ALPL: variants seen among roughly 807,000 people sequenced by gnomAD.
ALPL encodes alkaline phosphatase, tissue-nonspecific isozyme.
In ALPL, 42 loss-of-function variants were observed where a neutral mutation model predicts 51.3. The observed-to-expected ratio is 0.82, with a 90% CI of 0.64 to 1.06. The LOEUF (loss-of-function observed/expected upper bound fraction) is 1.06, where lower values mean the gene tolerates loss of function less well. Among genes scored for constraint, ALPL ranks in the 50% least tolerant of loss-of-function variants. ALPL has a pLI of 0.00. For synonymous variants in ALPL, 279 were observed against 296.4 expected (o/e 0.94, Z 0.60); for missense variants, 589 against 709.4 (o/e 0.83, Z 1.93).
chr1:21,568,125 A>G lies in ALPL; in HGVS notation c.670A>G (p.Lys224Glu), dbSNP rs1226800998. 1 of 1,614,136 alleles carries G rather than the reference A, an allele frequency of 6.2e-7. No homozygotes were observed. Among genetic ancestry groups the G allele is most frequent in the East Asian group, 2.2e-5 (1 of 44,860 alleles). The change falls in exon 7 of 12, where the codon AAA becomes GAA. Residue 224 changes from lysine (K) to glutamate (E), a missense_variant. Coordinates refer to ENST00000374840, the MANE Select transcript of ALPL (RefSeq NM_000478.6). Reference protein sequence around the residue: ...DIDVIMGGGRKYMYPKNKTDV... With the variant: ...DIDVIMGGGREYMYPKNKTDV... ...TTAGGTGATCATGGGGGGTGGCCGGAAATACATGTACCCCAAGAATAAAAC... is the reference window on the plus strand; with the variant it reads ...TTAGGTGATCATGGGGGGTGGCCGGGAATACATGTACCCCAAGAATAAAAC...
chr1:21,568,001 C>T, intron 6 of ALPL, 103 bp from the exon 7 acceptor site: 1 of 1,531,930 alleles, frequency 6.5e-7, no homozygotes, highest in Middle Eastern at 1.9e-4. Context: ...AAAGTGTCCA[C>T]ACCATCTCCA....
intron 1 of ALPL, among the ~76,000 whole-genome samples, chr1:21,530,777 ATT>A (rs71016918): frequency 9.8e-4 from 110 of 111,828 alleles, no homozygotes; most frequent in South Asian, 6.4e-3. Context: ...CAAGCTTTGA[ATT>A]TTTTTTTTTT....
At chr1:21,544,815 C>A (rs772257586) in intron 1 of ALPL, among the ~76,000 whole-genome samples, 1 of 152,196 alleles carries the variant, frequency 6.6e-6, no homozygotes. Context: ...AGAGACCAGA[C>A]GAAACCTAAA....
Position 21,551,786 on chromosome 1 carries a change from C to T in ALPL, c.-104-2192C>T, listed in dbSNP as rs567132303. Among the ~76,000 whole-genome samples the T allele has an allele frequency of 1.0e-4, 13 of 128,998 alleles. No homozygotes were observed. The East Asian group carries it at 1.9e-3, about 19-fold the overall frequency. The allele number at this position is 128,998 out of a possible 152,430, so 84.6% of individuals were successfully genotyped here. On this transcript the variant is annotated intron_variant, in intron 1 of 11. Coordinates refer to ENST00000374840, the MANE Select transcript of ALPL (RefSeq NM_000478.6). ...TGTCGCCCAGGCTGGAGTGCAGTGGCGCGATCTCGGCTCACTGCAAGCTCC... is the reference window on the plus strand; with the variant it reads ...TGTCGCCCAGGCTGGAGTGCAGTGGTGCGATCTCGGCTCACTGCAAGCTCC...
chr1:21,551,881 T>A (rs1287364205), intron 1 of ALPL, among the ~76,000 whole-genome samples: 29 of 151,436 alleles, frequency 1.9e-4, no homozygotes, highest in South Asian at 4.2e-4. Flanking sequence ...GCCCGCTACC[T>A]CTCCCGGCTA....
At chr1:21,520,395 G>A (rs1643871322) in intron 1 of ALPL, among the ~76,000 whole-genome samples, 2 of 150,946 alleles carry the variant, frequency 1.3e-5, no homozygotes, top group Admixed American at 6.6e-5. Flanking sequence ...TTCCCAAAAT[G>A]TTGGGATTAA....
chr1:21,545,148 A>G (rs1197504583), intron 1 of ALPL, among the ~76,000 whole-genome samples: 1 of 152,220 alleles, frequency 6.6e-6, no homozygotes, highest in Non-Finnish European at 1.5e-5. Context: ...AATCAAATCT[A>G]GCCTAATGCT....
chr1:21,554,036 A>G lies in ALPL; in HGVS notation c.-46A>G. On this transcript the variant is annotated 5_prime_UTR_variant, in exon 2 of 12. Coordinates refer to ENST00000374840, the MANE Select transcript of ALPL (RefSeq NM_000478.6). ...AGCCCACCCCCTCCCACCCACGTCGATTGCATCTCTGGGCTCCAGGGATAA... is the reference window on the plus strand; with the variant it reads ...AGCCCACCCCCTCCCACCCACGTCGGTTGCATCTCTGGGCTCCAGGGATAA... 2 of 967,508 alleles carry G rather than the reference A, an allele frequency of 2.1e-6. No individual in the cohort carries two copies. Among genetic ancestry groups the G allele is most frequent in the Non-Finnish European group, 3.2e-6 (2 of 634,270 alleles). The allele number at this position is 967,508 out of a possible 1,614,324, so 59.9% of individuals were successfully genotyped here.
At chr1:21,528,262 C>T (rs535742284) in intron 1 of ALPL, among the ~76,000 whole-genome samples, 1 of 151,840 alleles carries the variant, frequency 6.6e-6, no homozygotes, top group East Asian at 1.9e-4. Flanking sequence ...TTAAGCGATC[C>T]TCCTGCCGTG....
chr1:21,518,788 T>C (rs997019327), intron 1 of ALPL, among the ~76,000 whole-genome samples: 1 of 152,056 alleles, frequency 6.6e-6, no homozygotes, highest in African/African-American at 2.4e-5. Flanking sequence ...TTTTCTCCCC[T>C]GAAAACTAGC....
chr1:21,554,175 A>T (rs751064653), intron 2 of ALPL, 33 bp downstream of exon 2: 5 of 1,607,320 alleles, frequency 3.1e-6, no homozygotes. Context: ...AGGCATAAAA[A>T]GGTGGTGCAG....
At chr1:21,566,950 C>T (rs1325175943) in intron 6 of ALPL, among the ~76,000 whole-genome samples, 1 of 152,162 alleles carries the variant, frequency 6.6e-6, no homozygotes, top group Non-Finnish European at 1.5e-5. Flanking sequence ...GTGGCAGGCC[C>T]TTGGTCAGTA....
intron 2 of ALPL, among the ~76,000 whole-genome samples, chr1:21,559,685 A>G (rs1384399869): frequency 1.3e-5 from 2 of 152,112 alleles, no homozygotes; most frequent in African/African-American, 2.4e-5. Flanking sequence ...ACGCCCAGCT[A>G]ATTTTTCATA....
intron 1 of ALPL, among the ~76,000 whole-genome samples, chr1:21,519,902 T>C (rs1215628488): frequency 6.6e-6 from 1 of 152,206 alleles, no homozygotes; most frequent in Admixed American, 6.5e-5. Flanking sequence ...GTACCCCACC[T>C]GTTCCCTAGG....
intron 1 of ALPL, among the ~76,000 whole-genome samples, chr1:21,529,303 T>G (rs1448345584): frequency 6.6e-6 from 1 of 152,010 alleles, no homozygotes; most frequent in African/African-American, 2.4e-5. Context: ...TCACCCAGGC[T>G]GGAGTGCAGT....
At chr1:21,576,156 A>G (rs932050072) in intron 10 of ALPL, among the ~76,000 whole-genome samples, 3 of 151,912 alleles carry the variant, frequency 2.0e-5, no homozygotes, top group African/African-American at 7.3e-5. Context: ...CACGTTGACC[A>G]TGGCTGGGCG....
Position 21,571,111 on chromosome 1 carries a change from C to T in ALPL, c.862+737C>T, listed in dbSNP as rs761760371. Reference sequence around the variant, plus strand: ...GTACCACATGGGCTGTGCATGCACCCGTGTATCATGCTGGTTTTGCTCATG... The same window carrying T: ...GTACCACATGGGCTGTGCATGCACCTGTGTATCATGCTGGTTTTGCTCATG... On this transcript the variant is annotated intron_variant, in intron 8 of 11. Transcript: ENST00000374840. Among the ~76,000 whole-genome samples the T allele has an allele frequency of 3.3e-5, 5 of 152,326 alleles. No homozygotes were observed. In the South Asian group the frequency reaches 1.0e-3, roughly 32 times the overall value.
chr1:21,567,329 G>C (rs1270761916), intron 6 of ALPL, among the ~76,000 whole-genome samples: 1 of 152,244 alleles, frequency 6.6e-6, no homozygotes, highest in African/African-American at 2.4e-5. Context: ...AAAATAGTCA[G>C]AACTTCAAAC....
At position 21,564,292 on chromosome 1, in the gene ALPL, C is replaced by G; in HGVS notation, c.648+76C>G. ...GTGGGCAGGAGGCCTCAGGCCCAGG[C>G]TGGCCCGGAGAAAGCAGCCTGGCCT... On this transcript the variant is annotated intron_variant, in intron 6 of 11. Coordinates refer to ENST00000374840, the MANE Select transcript of ALPL (RefSeq NM_000478.6). The surrounding 1 kb of genome is among the most constrained non-coding windows in gnomAD (Gnocchi z 5.8). 1 of 1,576,124 alleles carries G rather than the reference C, an allele frequency of 6.3e-7. No individual in the cohort carries two copies. The highest frequency in any genetic ancestry group is 1.3e-5 in the African/African-American group (1 of 74,412).
Sources: gnomAD v4.1 joint callset for allele counts (sites outside exome capture counted in the v4.1 genomes callset) on GRCh38, gnomAD v4.1.1 for gene constraint, Gnocchi (gnomAD v3.1) non-coding constraint, MANE v1.5 for transcripts, NCBI Gene and HGNC (gene_info 2026-07-23, HGNC 2026-07-21) for gene names.